The following CHMP2A variants were observed in gnomAD, a reference collection of about 807,000 sequenced individuals.
CHMP2A encodes charged multivesicular body protein 2A.
CHMP2A carries 6 observed loss-of-function variants against 21.8 expected under a neutral mutation model. The ratio of observed to expected loss-of-function variants is 0.28; its 90% CI spans 0.15 to 0.54. The LOEUF is 0.54. Ranked by LOEUF, CHMP2A falls within the 20% of genes least tolerant of loss-of-function variation. CHMP2A has a pLI of 0.95. For synonymous variants in CHMP2A, 125 were observed against 107.0 expected (o/e 1.17, Z -1.04); for missense variants, 303 against 293.9 (o/e 1.03, Z -0.23).
At position 58,551,667 on chromosome 19, in the gene CHMP2A, C is replaced by T; in HGVS notation, c.651G>A (p.Lys217=). 6.2e-7 allele frequency: 1 copy of T among 1,614,026 alleles called. No homozygotes were observed. Among genetic ancestry groups the T allele is most frequent in the Non-Finnish European group, 8.5e-7 (1 of 1,180,012 alleles). ...GGGGCACTCAGTCCCTCCGCAGGTT[C>T]TTAAGCCGTTCCTCCAGGTCTGCAT... The part of the protein sequence containing the change: ...DADADLEERL[K]NLRRD The change falls in exon 6 of 6, where the codon AAG becomes AAA. Residue 217 remains lysine (K), a synonymous_variant. Coordinates refer to ENST00000312547, the MANE Select transcript of CHMP2A (RefSeq NM_014453.4).
rs1380258678 is a variant in CHMP2A, at chr19:58,552,112, T to G, written c.422A>C (p.Glu141Ala). 1 of 1,614,110 alleles carries G rather than the reference T, an allele frequency of 6.2e-7. No homozygotes were observed. The highest frequency in any genetic ancestry group is 1.7e-5 in the Admixed American group (1 of 60,030). ...ATCATCAATGGCATCATTCATCATC[T>G]CCTCCTTCATATCCATGATCTCTGC... is the stretch of plus-strand genomic sequence containing the variant. ...RQAEIMDMKE[E>A]MMNDAIDDAM... Residue 141 changes from glutamate (E) to alanine (A), a missense_variant, in exon 4 of 6, where the codon GAG (glutamate) becomes GCG (alanine). Glu to Ala is a moderately radical substitution (Grantham distance 107, BLOSUM62 -1). Transcript: ENST00000312547.
In CHMP2A at chr19:58,551,588, C is replaced by T. The variant is rs1208203081; in HGVS notation, c.*61G>A. 9.6e-6 allele frequency: 15 copies of T among 1,569,762 alleles called. 1 individual carries two copies. Among genetic ancestry groups the T allele is most frequent in the East Asian group, 2.2e-5 (1 of 44,524 alleles). On this transcript the variant is annotated 3_prime_UTR_variant, in exon 6 of 6. Coordinates refer to ENST00000312547, the MANE Select transcript of CHMP2A (RefSeq NM_014453.4). ...GACTAGTGTCAAATCTCTTTTATTA[C>T]AGAGGGGTTGTGGTAAAAGATCCTG...
At chr19:58,553,160 C>T (rs765908185) in intron 2 of CHMP2A, among the ~76,000 whole-genome samples, 3 of 150,580 alleles carry the variant, frequency 2.0e-5, no homozygotes, top group Non-Finnish European at 4.4e-5. Context: ...CGGCCTCAAG[C>T]GATTCTTCTG....
rs1332167968 is a variant in CHMP2A at position 58,552,199 on chromosome 19, G to A, written c.349-14C>T. On this transcript the variant is annotated splice_polypyrimidine_tract_variant and intron_variant, in intron 3 of 5. Coordinates refer to ENST00000312547, the MANE Select transcript of CHMP2A (RefSeq NM_014453.4). Reference sequence around the variant, plus strand: ...GGGCAACTTCAGCTGGAAGTGACAGGAGTGTGAGTGTGATCCCCATGGGTC... The same window carrying A: ...GGGCAACTTCAGCTGGAAGTGACAGAAGTGTGAGTGTGATCCCCATGGGTC... 1 of 1,614,194 alleles carries A rather than the reference G, an allele frequency of 6.2e-7. No individual in the cohort carries two copies. The highest frequency in any genetic ancestry group is 8.5e-7 in the Non-Finnish European group (1 of 1,180,040).
Position 58,554,121 on chromosome 19 carries a change from CGG to C in CHMP2A, c.90_91del (p.Asp30GlufsTer18). The C allele has an allele frequency of 6.2e-7, 1 of 1,614,140 alleles. No individual in the cohort carries two copies. On this transcript the variant is annotated frameshift_variant, in exon 2 of 6. Coordinates refer to ENST00000312547, the MANE Select transcript of CHMP2A (RefSeq NM_014453.4). LOFTEE classifies it high-confidence loss of function. ...CTGGGTCTCTAGTTTCTGTCGCTCGCGGTCCAGCTCCCGCATGGCACGGTTCA... is the reference window on the plus strand; with the variant it reads ...CTGGGTCTCTAGTTTCTGTCGCTCGCTCCAGCTCCCGCATGGCACGGTTCA...
At chr19:58,553,040 T>C (rs2053851265) in intron 2 of CHMP2A, among the ~76,000 whole-genome samples, 1 of 151,548 alleles carries the variant, frequency 6.6e-6, no homozygotes, top group African/African-American at 2.4e-5. Context: ...CTCTTGGCCA[T>C]AGCTTATAGC....
chr19:58,554,341 A>G lies in CHMP2A; in HGVS notation c.-24-105T>C. ...TTGCCAAATGGGAAGGGGCTAACGG[A>G]GACTGGAGGCAGGAATGAGGAGCCA... On this transcript the variant is annotated intron_variant, in intron 1 of 5. Transcript: ENST00000312547. 2.9e-6 allele frequency: 3 copies of G among 1,035,570 alleles called. No individual in the cohort carries two copies. The South Asian group carries it at 4.8e-5, about 17-fold the overall frequency. The allele number at this position is 1,035,570 out of a possible 1,614,324, so 64.1% of individuals were successfully genotyped here. A position where few individuals can be genotyped will look rare whatever the true frequency, so the allele number is the denominator to read the frequency against.
chr19:58,553,901 G>C (rs916456306), intron 2 of CHMP2A, 144 bp downstream of exon 2: 1 of 1,048,642 alleles, frequency 9.5e-7, no homozygotes, highest in Non-Finnish European at 1.4e-6. Flanking sequence ...CAGCCTTCCA[G>C]ACCCTCAAAC....
Position 58,552,445 on chromosome 19 carries a change from A to G in CHMP2A, c.169-7T>C. The G allele has an allele frequency of 6.2e-7, 1 of 1,612,194 alleles. No individual in the cohort carries two copies. Among genetic ancestry groups the G allele is most frequent in the Non-Finnish European group, 8.5e-7 (1 of 1,178,762 alleles). On this transcript the variant is annotated splice_polypyrimidine_tract_variant and splice_region_variant and intron_variant, in intron 2 of 5. Coordinates refer to ENST00000312547, the MANE Select transcript of CHMP2A (RefSeq NM_014453.4). ...CCATGATGCGAACAGCATCCTGCAG[A>G]GTAGACAAGGGTATCAAGGACACAG... is the stretch of plus-strand genomic sequence containing the variant.
chr19:58,552,040 C>G lies in CHMP2A; in HGVS notation c.479+15G>C, dbSNP rs1354942139. On this transcript the variant is annotated intron_variant, in intron 4 of 5. Coordinates refer to ENST00000312547, the MANE Select transcript of CHMP2A (RefSeq NM_014453.4). The stretch of plus-strand genomic sequence containing the variant: ...CAGGCAAACATCTCCACCCTCCCAT[C>G]CAGTTTCCCCATACCTCTCCTCTTC... 1.2e-6 allele frequency: 2 copies of G among 1,614,186 alleles called. No individual in the cohort carries two copies. The highest frequency in any genetic ancestry group is 1.7e-6 in the Non-Finnish European group (2 of 1,180,024).
intron 4 of CHMP2A, 35 bp from the exon 5 acceptor site, chr19:58,552,002 A>C (rs749066503): frequency 9.3e-6 from 15 of 1,613,656 alleles, no homozygotes; most frequent in Middle Eastern, 1.6e-4. Flanking sequence ...AGGGCTATGC[A>C]CTCCGTGAGG....
At chr19:58,552,534 T>A in intron 2 of CHMP2A, 96 bp from the exon 3 acceptor site, 12 of 1,255,890 alleles carry the variant, frequency 9.6e-6, no homozygotes, top group Non-Finnish European at 1.3e-5. Flanking sequence ...ACCAGCCCAA[T>A]TTGCAATTCC....
At position 58,554,092 on chromosome 19, in the gene CHMP2A, T is replaced by C; in HGVS notation, c.121A>G (p.Lys41Glu). ...RERQKLETQE[K>E]KIIADIKKMA... ...TTCTTAATGTCTGCAATGATTTTCT[T>C]CTCCTGGGTCTCTAGTTTCTGTCGC... The change falls in exon 2 of 6, where the codon AAG becomes GAG. Residue 41 changes from lysine (K) to glutamate (E), a missense_variant. By Grantham distance (56) the Lys-to-Glu change is moderately conservative. Coordinates refer to ENST00000312547, the MANE Select transcript of CHMP2A (RefSeq NM_014453.4). 2 of 1,614,136 alleles carry C rather than the reference T, an allele frequency of 1.2e-6. No homozygotes were observed. Among genetic ancestry groups the C allele is most frequent in the Non-Finnish European group, 8.5e-7 (1 of 1,180,030 alleles).
chr19:58,551,841 G>C (rs1184071474), intron 5 of CHMP2A, 65 bp from the exon 6 acceptor site: 3 of 1,614,102 alleles, frequency 1.9e-6, no homozygotes, highest in Non-Finnish European at 2.5e-6. Context: ...TGCAGGGAAA[G>C]GGAGGGCTTG....
rs1321987514 is a variant in CHMP2A, at chr19:58,552,327, T to C, written c.280A>G (p.Lys94Glu). 1.2e-6 allele frequency: 2 copies of C among 1,614,216 alleles called. No individual in the cohort carries two copies. The highest frequency in any genetic ancestry group is 1.7e-6 in the Non-Finnish European group (2 of 1,180,034). The change falls in exon 3 of 6, where the codon AAG becomes GAG. Residue 94 changes from lysine to glutamate, a missense_variant. Transcript: ENST00000312547. The stretch of plus-strand genomic sequence containing the variant: ...GCTTGTGCCATCGAGTTGTTGGACT[T>C]GAGTGTCTGGATCTTGAGGGACACA... ...QAVSLKIQTL[K>E]SNNSMAQAMK... is the part of the protein sequence containing the mutation.
chr19:58,551,902 T>G lies in CHMP2A; in HGVS notation c.541+4A>C. The G allele has an allele frequency of 1.2e-6, 2 of 1,614,064 alleles. No homozygotes were observed. Among genetic ancestry groups the G allele is most frequent in the East Asian group, 2.2e-5 (1 of 44,874 alleles). ...AAATGGGGTCCAGGATTTGGAGCAC[T>G]CACTCGACAGCTCATCTGTTAGGCT... On this transcript the variant is annotated splice_donor_region_variant and intron_variant, in intron 5 of 5. Coordinates refer to ENST00000312547, the MANE Select transcript of CHMP2A (RefSeq NM_014453.4).
chr19:58,554,458 C>A, intron 1 of CHMP2A: 1 of 498,458 alleles, frequency 2.0e-6, no homozygotes, highest in Non-Finnish European at 3.5e-6. Flanking sequence ...GGCCCGAGCC[C>A]CTCCTTCATC....
At position 58,551,899 on chromosome 19, in the gene CHMP2A, C is replaced by T. The variant is rs748263519; in HGVS notation, c.541+7G>A. ...GGGAAATGGGGTCCAGGATTTGGAG[C>T]ACTCACTCGACAGCTCATCTGTTAG... is the stretch of plus-strand genomic sequence containing the variant. On this transcript the variant is annotated splice_region_variant and intron_variant, in intron 5 of 5. Coordinates refer to ENST00000312547, the MANE Select transcript of CHMP2A (RefSeq NM_014453.4). 1.2e-6 allele frequency: 2 copies of T among 1,614,082 alleles called. No homozygotes were observed. The highest frequency in any genetic ancestry group is 1.7e-6 in the Non-Finnish European group (2 of 1,180,014).
intron 2 of CHMP2A, 38 bp from the exon 3 acceptor site, chr19:58,552,476 A>G (rs2122644524): frequency 6.3e-7 from 1 of 1,589,214 alleles, no homozygotes. Flanking sequence ...CACAGGAATG[A>G]GATTATCCTA....
Sources: gnomAD v4.1 joint callset for allele counts (sites outside exome capture counted in the v4.1 genomes callset) on GRCh38, gnomAD v4.1.1 for gene constraint, MANE v1.5 for transcripts, NCBI Gene and HGNC (gene_info 2026-07-23, HGNC 2026-07-21) for gene names.